The following KCNN2 variants were observed in gnomAD, a reference collection of about 807,000 sequenced individuals.
KCNN2 encodes the protein small conductance calcium-activated potassium channel protein 2.
KCNN2 carries 24 observed loss-of-function variants against 55.5 expected under a neutral mutation model. The observed-to-expected ratio is 0.43, with a 90% CI of 0.31 to 0.61. The LOEUF is 0.61. KCNN2 is among the 20% of genes least tolerant of loss of function. KCNN2 has a pLI of 0.08. For missense variants in KCNN2, 754 were observed against 853.6 expected (o/e 0.88, Z 1.45); for synonymous variants, 431 against 336.1 (o/e 1.28, Z -3.09).
At position 114,173,438 on chromosome 5, in the gene KCNN2, TTGTGTGTGTGTG is replaced by T. The variant is rs61630138; in HGVS notation, c.-270-48009_-270-47998del. Among the ~76,000 whole-genome samples, 652 of 142,176 alleles carry T rather than the reference TTGTGTGTGTGTG, an allele frequency of 4.6e-3. 5 individuals carry two copies. Among genetic ancestry groups the T allele is most frequent in the African/African-American group, 0.012 (467 of 38,658 alleles). 93.3% of individuals were successfully genotyped at this position (142,176 alleles called of 152,430 possible). ...GGTGGGTTTTTTGTTTTTGTTTTGT[TTGTGTGTGTGTG>T]TGTGTGTGTGTGTGTGTGTGTGTGT... On this transcript the variant is annotated intron_variant, in intron 1 of 10. Transcript: ENST00000512097.
intron 2 of KCNN2, among the ~76,000 whole-genome samples, chr5:114,240,884 TAAA>T (rs1218170210): frequency 6.6e-6 from 1 of 151,774 alleles, no homozygotes; most frequent in African/African-American, 2.4e-5. Flanking sequence ...GAAAAGAATT[TAAA>T]AAATTATCTG....
chr5:114,342,673 A>C (rs1307866551), intron 2 of KCNN2, among the ~76,000 whole-genome samples: 1 of 152,208 alleles, frequency 6.6e-6, no homozygotes, highest in Non-Finnish European at 1.5e-5. Context: ...TTTGAAGGTA[A>C]TTCTTCTTAA....
At chr5:114,332,209 A>G (rs191126225) in intron 2 of KCNN2, among the ~76,000 whole-genome samples, 80 of 152,330 alleles carry the variant, frequency 5.3e-4, no homozygotes, top group Admixed American at 1.3e-3. Flanking sequence ...GGTTGAGTAG[A>G]AAAGGATGTG....
At chr5:114,232,925 G>GTTTTTTTTTGTTTTT (rs1554076025) in intron 2 of KCNN2, among the ~76,000 whole-genome samples, 2 of 76,276 alleles carry the variant, frequency 2.6e-5, no homozygotes, top group African/African-American at 9.1e-5. Flanking sequence ...ATTGTTTCTT[G>GTTTTTTTTTGTTTTT]TTTTTTTTTT....
At chr5:114,454,484 T>C (rs1020128055) in intron 3 of KCNN2, among the ~76,000 whole-genome samples, 2 of 152,234 alleles carry the variant, frequency 1.3e-5, no homozygotes, top group African/African-American at 2.4e-5. Flanking sequence ...TTGATATTAT[T>C]AATACATGAA....
chr5:114,116,423 CTAT>C, intron 1 of KCNN2, among the ~76,000 whole-genome samples: 1 of 152,226 alleles, frequency 6.6e-6, no homozygotes. Flanking sequence ...AAGTACACTA[CTAT>C]TTTCTTGCTC....
intron 1 of KCNN2, among the ~76,000 whole-genome samples, chr5:114,072,668 T>G (rs1205554810): frequency 6.6e-6 from 1 of 152,168 alleles, no homozygotes; most frequent in Non-Finnish European, 1.5e-5. Flanking sequence ...TGAGGTAGAA[T>G]GCACAGTGAT....
chr5:114,290,248 G>T (rs1174637119), intron 2 of KCNN2, among the ~76,000 whole-genome samples: 1 of 152,022 alleles, frequency 6.6e-6, no homozygotes, highest in African/African-American at 2.4e-5. Context: ...TCTTTATGAG[G>T]ATGTTGGTTA....
intron 1 of KCNN2, among the ~76,000 whole-genome samples, chr5:114,212,619 T>TAA (rs5870583): frequency 6.6e-5 from 10 of 150,872 alleles, no homozygotes; most frequent in East Asian, 3.9e-4. Context: ...AAGTCTAAAG[T>TAA]AAAAAAAAAT....
intron 1 of KCNN2, among the ~76,000 whole-genome samples, chr5:114,134,482 T>G (rs192220536): frequency 1.8e-3 from 263 of 144,226 alleles, no homozygotes; most frequent in African/African-American, 3.5e-3. Flanking sequence ...TTTATTTATT[T>G]ATTTATTTAT....
At chr5:114,233,130 C>T (rs894938325) in intron 2 of KCNN2, among the ~76,000 whole-genome samples, 34 of 143,832 alleles carry the variant, frequency 2.4e-4, no homozygotes, top group Middle Eastern at 3.5e-3. Flanking sequence ...CCGTTTTAGC[C>T]GGGATGGTCT....
intron 1 of KCNN2, among the ~76,000 whole-genome samples, chr5:114,140,879 C>T (rs957770012): frequency 2.6e-5 from 4 of 151,474 alleles, no homozygotes; most frequent in African/African-American, 9.7e-5. Flanking sequence ...ACCTCCACCT[C>T]CCGGGTTGAA....
chr5:114,463,406 T>C (rs1170049577), intron 4 of KCNN2, among the ~76,000 whole-genome samples: 1 of 152,248 alleles, frequency 6.6e-6, no homozygotes, highest in Non-Finnish European at 1.5e-5. Flanking sequence ...GCTGTTTGAT[T>C]GCCCCTTGTG....
intron 2 of KCNN2, among the ~76,000 whole-genome samples, chr5:114,226,097 G>T (rs978215002): frequency 7.5e-6 from 1 of 133,238 alleles, no homozygotes; most frequent in Non-Finnish European, 1.6e-5. Flanking sequence ...ATACCAGGTC[G>T]AAAGAAGAGA....
intron 2 of KCNN2, among the ~76,000 whole-genome samples, chr5:114,398,642 A>T (rs1758693258): frequency 6.6e-6 from 1 of 152,072 alleles, no homozygotes. Context: ...TTTGGGCAGT[A>T]TGGCCATTTT....
At chr5:114,445,449 A>C (rs893156959) in intron 3 of KCNN2, among the ~76,000 whole-genome samples, 1 of 152,236 alleles carries the variant, frequency 6.6e-6, no homozygotes, top group African/African-American at 2.4e-5. Flanking sequence ...ACACAAGTTA[A>C]GAAACAAACA....
intron 1 of KCNN2, among the ~76,000 whole-genome samples, chr5:114,215,843 G>C (rs1248717333): frequency 2.6e-5 from 4 of 152,054 alleles, no homozygotes; most frequent in Non-Finnish European, 5.9e-5. Flanking sequence ...TAAATTTTCT[G>C]TCTGGGCCAA....
intron 2 of KCNN2, among the ~76,000 whole-genome samples, chr5:114,377,291 G>A (rs747989666): frequency 2.6e-5 from 4 of 152,042 alleles, no homozygotes; most frequent in African/African-American, 7.2e-5. Flanking sequence ...TACCAGCCAC[G>A]TCAGGATTCC....
At chr5:114,375,378 G>A (rs1333218050) in intron 2 of KCNN2, among the ~76,000 whole-genome samples, 1 of 152,078 alleles carries the variant, frequency 6.6e-6, no homozygotes, top group Non-Finnish European at 1.5e-5. Context: ...TTTTAGGTAG[G>A]TACCCAAGCA....
Sources: gnomAD v4.1 joint callset for allele counts (sites outside exome capture counted in the v4.1 genomes callset) on GRCh38, gnomAD v4.1.1 for gene constraint, MANE v1.5 for transcripts, NCBI Gene and HGNC (gene_info 2026-07-23, HGNC 2026-07-21) for gene names.